The following SPNS2 variants were observed in gnomAD, a reference collection of about 807,000 sequenced individuals.
SPNS2 encodes sphingosine-1-phosphate transporter SPNS2.
SPNS2 carries 37 observed loss-of-function variants against 57.6 expected under a neutral mutation model. That is an observed-to-expected ratio of 0.64 (90% confidence interval 0.49 to 0.85). SPNS2 has a LOEUF of 0.85. Ranked by LOEUF, SPNS2 falls within the 40% of genes least tolerant of loss-of-function variation. SPNS2 has a pLI of 0.00. For synonymous variants in SPNS2, 440 were observed against 346.9 expected (o/e 1.27, Z -2.98); for missense variants, 831 against 779.1 (o/e 1.07, Z -0.79).
At chr17:4,516,693 G>C (rs1905005946) in intron 2 of SPNS2, among the ~76,000 whole-genome samples, 1 of 152,224 alleles carries the variant, frequency 6.6e-6, no homozygotes, top group Non-Finnish European at 1.5e-5. Flanking sequence ...TCGAGTAGAT[G>C]TGTGAAGCCC....
chr17:4,516,489 T>C (rs187819821), intron 2 of SPNS2, among the ~76,000 whole-genome samples: 59 of 152,288 alleles, frequency 3.9e-4, no homozygotes, highest in African/African-American at 1.4e-3. Flanking sequence ...CTCAGGTAGA[T>C]TCCCTCTATC....
intron 9 of SPNS2, among the ~76,000 whole-genome samples, chr17:4,534,943 T>TAA (rs1905701602): frequency 6.6e-6 from 1 of 152,128 alleles, no homozygotes; most frequent in African/African-American, 2.4e-5. Flanking sequence ...CCCGGTTTAT[T>TAA]AAGTGTAACA....
At chr17:4,525,015 G>A (rs756488080) in intron 2 of SPNS2, 42 bp from the exon 3 acceptor site, 28 of 1,599,266 alleles carry the variant, frequency 1.8e-5, no homozygotes, top group African/African-American at 4.0e-5. Context: ...AGGCCGGGGC[G>A]CAGGGACCTG....
intron 3 of SPNS2, among the ~76,000 whole-genome samples, chr17:4,525,470 A>G (rs892766138): frequency 2.2e-4 from 33 of 152,360 alleles, no homozygotes; most frequent in Admixed American, 2.0e-3. Flanking sequence ...GGATGGATGC[A>G]AAGAACAAGT....
At chr17:4,536,773 TG>T in intron 11 of SPNS2, 126 bp from the exon 12 acceptor site, 1 of 771,872 alleles carries the variant, frequency 1.3e-6, no homozygotes, top group Non-Finnish European at 2.2e-6. Flanking sequence ...CATCTCCCCC[TG>T]GGGCTGACGA....
intron 9 of SPNS2, among the ~76,000 whole-genome samples, chr17:4,534,982 C>A (rs371051466): frequency 1.3e-5 from 2 of 152,182 alleles, no homozygotes; most frequent in South Asian, 2.1e-4. Flanking sequence ...CAGGGCCACT[C>A]GTTTCATCAG....
intron 1 of SPNS2, among the ~76,000 whole-genome samples, chr17:4,508,143 G>A (rs1208807935): frequency 6.6e-6 from 1 of 152,184 alleles, no homozygotes; most frequent in African/African-American, 2.4e-5. Context: ...AGCCTCAGAG[G>A]AGAGAGGCGC....
Position 4,533,077 on chromosome 17 carries a change from G to A in SPNS2, c.1036G>A (p.Val346Met). Residue 346 changes from valine (V) to methionine (M), a missense_variant, in exon 7 of 13, where the codon GTG (valine) becomes ATG (methionine). Transcript: ENST00000329078. ...GCTCTACCTGCACCGCGCCCAAGTTGTGCAGAAGACAGCAGAGACGTGCAA... is the reference window on the plus strand; with the variant it reads ...GCTCTACCTGCACCGCGCCCAAGTTATGCAGAAGACAGCAGAGACGTGCAA... ...IPLYLHRAQV[V>M]QKTAETCNSP... The A allele has an allele frequency of 6.2e-7, 1 of 1,613,306 alleles. No individual in the cohort carries two copies. Among genetic ancestry groups the A allele is most frequent in the Non-Finnish European group, 8.5e-7 (1 of 1,179,930 alleles).
intron 9 of SPNS2, 110 bp from the exon 10 acceptor site, chr17:4,535,966 C>T: frequency 3.6e-6 from 3 of 839,724 alleles, no homozygotes; most frequent in Non-Finnish European, 5.6e-6. Flanking sequence ...AGACGTAGGG[C>T]AGGAGTGAGT....
intron 5 of SPNS2, 137 bp from the exon 6 acceptor site, chr17:4,532,405 T>G: frequency 7.6e-7 from 1 of 1,309,038 alleles, no homozygotes; most frequent in South Asian, 1.3e-5. Flanking sequence ...GCAGCCCAAT[T>G]AGGAAGGCTG....
At chr17:4,503,442 C>T (rs778489403) in intron 1 of SPNS2, among the ~76,000 whole-genome samples, 12 of 152,234 alleles carry the variant, frequency 7.9e-5, no homozygotes, top group Non-Finnish European at 1.5e-4. Context: ...GGGAGTCCCT[C>T]AGACGGGGGT....
Position 4,530,691 on chromosome 17 carries a change from C to T in SPNS2, c.633C>T (p.Ser211=). The T allele has an allele frequency of 1.2e-6, 2 of 1,613,950 alleles. No homozygotes were observed. The highest frequency in any genetic ancestry group is 1.7e-6 in the Non-Finnish European group (2 of 1,179,938). Residue 211 remains serine, a synonymous_variant, in exon 4 of 13, where the codon TCC becomes TCT. Coordinates refer to ENST00000329078, the MANE Select transcript of SPNS2 (RefSeq NM_001124758.3). ...TGGGCATCGGGGAGGCCAGCTACTC[C>T]ACCATCGCCCCCACTATCATTGGCG... ...GLVGIGEASY[S]TIAPTIIGDL...
Position 4,536,935 on chromosome 17 carries a change from A to T in SPNS2, c.1643A>T (p.Lys548Ile), listed in dbSNP as rs1322970686. 6 of 1,613,556 alleles carry T rather than the reference A, an allele frequency of 3.7e-6. No individual in the cohort carries two copies. The African/African-American group carries it at 8.0e-5, about 22-fold the overall frequency. The change falls in exon 12 of 13, where the codon AAA becomes ATA. Residue 548 changes from lysine to isoleucine, a missense_variant. This residue lies in a region of SPNS2 where 526 missense variants were observed against 400.9 expected (regional missense o/e 1.31). Coordinates refer to ENST00000329078, the MANE Select transcript of SPNS2 (RefSeq NM_001124758.3). ...CTGGCGATGCCGCCCGCATCTGTGA[A>T]AGTCTGAGGTGGTGAGTGCAGGCCG... ...NQLAMPPASVKV is the reference protein window; with the variant it reads ...NQLAMPPASVIV
In SPNS2 at chr17:4,531,069, A is replaced by G; in HGVS notation, c.742A>G (p.Thr248Ala). The G allele has an allele frequency of 6.2e-7, 1 of 1,614,034 alleles. No individual in the cohort carries two copies. Among genetic ancestry groups the G allele is most frequent in the Non-Finnish European group, 8.5e-7 (1 of 1,179,992 alleles). The change falls in exon 5 of 13, where the codon ACT becomes GCT. Residue 248 changes from threonine to alanine, a missense_variant. This residue lies in a region of SPNS2 where 305 missense variants were observed against 378.3 expected (regional missense o/e 0.81). Transcript: ENST00000329078. Reference protein sequence around the residue: ...IPLGSGLGYITGSSVKQAAGD... With the variant: ...IPLGSGLGYIAGSSVKQAAGD... ...TCTCTGCAGTGGCCTGGGCTACATT[A>G]CTGGCTCCAGCGTGAAGCAGGCAGC...
intron 12 of SPNS2, 126 bp from the exon 13 acceptor site, chr17:4,537,327 A>AGGGTCACAGCTGCAGGTCC (rs1329207254): frequency 2.4e-6 from 1 of 408,842 alleles, no homozygotes; most frequent in African/African-American, 2.0e-5. Context: ...CACGAGACCC[A>AGGGTCACAGCTGCAGGTCC]GGGTCACAGC....
At chr17:4,526,671 G>A (rs1007061932) in intron 3 of SPNS2, among the ~76,000 whole-genome samples, 2 of 152,120 alleles carry the variant, frequency 1.3e-5, no homozygotes, top group African/African-American at 2.4e-5. Context: ...AGCAGGGACT[G>A]GGTCATGGAG....
intron 9 of SPNS2, 71 bp downstream of exon 9, chr17:4,533,924 GAGGGC>G: frequency 8.2e-7 from 1 of 1,226,586 alleles, no homozygotes; most frequent in Non-Finnish European, 1.2e-6. Context: ...GGTGCCTGGG[GAGGGC>G]GGGTGAAGGG....
chr17:4,515,488 G>C (rs1367919557), intron 2 of SPNS2, among the ~76,000 whole-genome samples: 3 of 152,160 alleles, frequency 2.0e-5, no homozygotes, highest in Admixed American at 6.5e-5. Context: ...GGTGAGAATT[G>C]CCAGCATTCT....
At chr17:4,532,432 G>C in intron 5 of SPNS2, 110 bp from the exon 6 acceptor site, 2 of 1,512,000 alleles carry the variant, frequency 1.3e-6, no homozygotes, top group South Asian at 2.3e-5. Context: ...TACCTGCTCA[G>C]AGGAGAAGCC....
Sources: gnomAD v4.1 joint callset for allele counts (sites outside exome capture counted in the v4.1 genomes callset) on GRCh38, gnomAD v4.1.1 for gene constraint, gnomAD v4.1.1 regional missense constraint, MANE v1.5 for transcripts, NCBI Gene and HGNC (gene_info 2026-07-23, HGNC 2026-07-21) for gene names.